ZNF717: variants seen among roughly 807,000 people sequenced by gnomAD.
ZNF717 encodes the protein zinc finger protein 717.
A neutral mutation model predicts 13.8 loss-of-function variants in ZNF717; 9 were observed. That is an observed-to-expected ratio of 0.65 (90% CI 0.39 to 1.14). The LOEUF is 1.14. ZNF717 is among the 50% of genes most tolerant of loss of function. The probability of loss-of-function intolerance (pLI) is 0.01; values close to 1 mark genes in which losing one functional copy is unlikely to be tolerated. For synonymous variants in ZNF717, 327 were observed against 364.1 expected, an observed-to-expected ratio of 0.90 and a Z score of 1.16; for missense variants, 1,040 against 1,080.7, an observed-to-expected ratio of 0.96 and a Z score of 0.53.
At chr3:75,696,382 G>A (rs1414727198) in intron 6 of ZNF717, among the ~76,000 whole-genome samples, 23 of 151,710 alleles carry the variant, frequency 1.5e-4, no homozygotes, top group African/African-American at 5.6e-4. Context: ...ATTCTTTGAG[G>A]CTAGTATTAC....
chr3:75,782,460 T>C (rs1158526653), intron 2 of ZNF717, among the ~76,000 whole-genome samples: 1 of 152,238 alleles, frequency 6.6e-6, no homozygotes, highest in Non-Finnish European at 1.5e-5. Context: ...TACCTTACAA[T>C]GGAAGCTGTG....
At chr3:75,712,662 A>G (rs62247313) in intron 5 of ZNF717, among the ~76,000 whole-genome samples, 12,124 of 152,052 alleles carry the variant, frequency 0.08, 790 homozygotes, top group African/African-American at 0.17. Context: ...AATTTACCAC[A>G]CAAGATTCTT....
chr3:75,784,965 G>C (rs891629029), intron 1 of ZNF717: 4 of 152,404 alleles, frequency 2.6e-5, no homozygotes, highest in Non-Finnish European at 4.4e-5. Flanking sequence ...CGCGGCATCA[G>C]TGAGTTCTTC....
chr3:75,719,622 AG>A (rs1320071182), intron 4 of ZNF717, among the ~76,000 whole-genome samples: 1 of 152,172 alleles, frequency 6.6e-6, no homozygotes, highest in East Asian at 1.9e-4. Context: ...AAGAGATGCC[AG>A]GAAGGAAAAG....
At chr3:75,709,777 T>G (rs1371642054) in exon 6 of ZNF717, 1 of 152,212 alleles carries the variant, frequency 6.6e-6, no homozygotes, top group African/African-American at 2.4e-5. Context: ...TTATTACTAG[T>G]GACTCCATTT....
intron 2 of ZNF717, among the ~76,000 whole-genome samples, chr3:75,752,706 C>T (rs1575845958): frequency 6.7e-6 from 1 of 149,716 alleles, no homozygotes; most frequent in South Asian, 2.1e-4. Context: ...ACATAGGATT[C>T]CAGAACACTC....
chr3:75,766,782 T>A (rs898009545), intron 2 of ZNF717, among the ~76,000 whole-genome samples: 1 of 152,258 alleles, frequency 6.6e-6, no homozygotes, highest in Non-Finnish European at 1.5e-5. Context: ...GTATGCAAAG[T>A]ATGTTGTCTC....
At chr3:75,757,554 G>A (rs1344877622) in intron 2 of ZNF717, among the ~76,000 whole-genome samples, 7 of 152,108 alleles carry the variant, frequency 4.6e-5, no homozygotes, top group Admixed American at 3.9e-4. Flanking sequence ...GTACTCAAGG[G>A]CTTTTACAGA....
At chr3:75,776,352 T>A (rs6800945) in intron 2 of ZNF717, among the ~76,000 whole-genome samples, 23,106 of 150,974 alleles carry the variant, frequency 0.15, 471 homozygotes, top group African/African-American at 0.16. Flanking sequence ...GTACATTTGG[T>A]TACCTGATGG....
At chr3:75,753,437 G>T (rs796245085) in intron 2 of ZNF717, among the ~76,000 whole-genome samples, 138 of 110,216 alleles carry the variant, frequency 1.3e-3, no homozygotes, top group Middle Eastern at 5.7e-3. Flanking sequence ...ACACTGCTAC[G>T]AGGGTCTGAA....
intron 2 of ZNF717, among the ~76,000 whole-genome samples, chr3:75,774,239 T>G (rs1015248992): frequency 5.9e-5 from 9 of 151,434 alleles, no homozygotes; most frequent in African/African-American, 2.2e-4. Context: ...GGAAGGTAAG[T>G]CTTCCCTCTA....
intron 1 of ZNF717, among the ~76,000 whole-genome samples, chr3:75,784,204 TG>T (rs1235471208): frequency 3.3e-5 from 5 of 152,212 alleles, no homozygotes; most frequent in African/African-American, 1.2e-4. Flanking sequence ...GCCTCTTTTG[TG>T]ATCCAGGCAA....
intron 2 of ZNF717, among the ~76,000 whole-genome samples, chr3:75,746,274 T>C (rs1197970597): frequency 6.6e-6 from 1 of 152,242 alleles, no homozygotes; most frequent in Non-Finnish European, 1.5e-5. Context: ...AGTCTATCAT[T>C]GTTGGACATT....
chr3:75,747,957 A>G (rs1941333304), intron 2 of ZNF717, among the ~76,000 whole-genome samples: 1 of 152,210 alleles, frequency 6.6e-6, no homozygotes, highest in Admixed American at 6.5e-5. Context: ...AAGACTGATA[A>G]AGAAGAAAAG....
chr3:75,735,512 T>C (rs1428747366), downstream of ZNF717, among the ~76,000 whole-genome samples: 3 of 152,044 alleles, frequency 2.0e-5, no homozygotes, highest in African/African-American at 7.3e-5. Flanking sequence ...TCCTAGCTAA[T>C]TGCATACTTG....
intron 4 of ZNF717, among the ~76,000 whole-genome samples, chr3:75,740,070 G>C (rs866003960): frequency 4.0e-5 from 6 of 151,330 alleles, no homozygotes. Flanking sequence ...GGCTGTGCCC[G>C]TCATCTTCGA....
chr3:75,729,522 G>A (rs1447834778), downstream of ZNF717, among the ~76,000 whole-genome samples: 5 of 151,668 alleles, frequency 3.3e-5, no homozygotes, highest in Non-Finnish European at 5.9e-5. Flanking sequence ...GGCTGAGGCA[G>A]GAGAATCATT....
intron 6 of ZNF717, among the ~76,000 whole-genome samples, chr3:75,697,798 G>A (rs150435478): frequency 6.6e-6 from 1 of 152,310 alleles, no homozygotes; most frequent in East Asian, 1.9e-4. Context: ...AATAGGCAGA[G>A]GTTGGAAGAG....
At chr3:75,771,234 G>A (rs150071483) in intron 2 of ZNF717, among the ~76,000 whole-genome samples, 272 of 152,098 alleles carry the variant, frequency 1.8e-3, no homozygotes, top group African/African-American at 5.9e-3. Flanking sequence ...AGTTGTTTCT[G>A]GACCTCACTG....
Sources: gnomAD v4.1 joint callset for allele counts (sites outside exome capture counted in the v4.1 genomes callset) on GRCh38, gnomAD v4.1.1 for gene constraint, MANE v1.5 for transcripts, NCBI Gene and HGNC (gene_info 2026-07-23, HGNC 2026-07-21) for gene names.